KLHL13: variants seen among roughly 807,000 people sequenced by gnomAD.
The protein encoded by KLHL13 is kelch like family member 13.
KLHL13 carries 10 observed loss-of-function variants against 37.1 expected under a neutral mutation model. The ratio of observed to expected loss-of-function variants is 0.27; its 90% confidence interval spans 0.17 to 0.46. KLHL13 has a LOEUF of 0.46. KLHL13 is among the 20% of genes least tolerant of loss of function. The pLI is 1.00. For missense variants in KLHL13, 360 were observed against 509.3 expected, an observed-to-expected ratio of 0.71 and a Z score of 2.82; for synonymous variants, 163 against 181.2, an observed-to-expected ratio of 0.90 and a Z score of 0.81.
intron 1 of KLHL13, among the ~76,000 whole-genome samples, chrX:117,963,796 A>T (rs1232868564): frequency 2.9e-5 from 3 of 104,666 alleles, no homozygotes; most frequent in Non-Finnish European, 5.9e-5. Context: ...AGTGGTTTTG[A>T]TTTGCATTTC....
At chrX:118,087,427 T>C (rs1331343312) in intron 1 of KLHL13, among the ~76,000 whole-genome samples, 1 of 109,799 alleles carries the variant, frequency 9.1e-6, no homozygotes, top group Non-Finnish European at 1.9e-5. Flanking sequence ...CTTCTGTGAG[T>C]ACATTTATTC....
intron 1 of KLHL13, among the ~76,000 whole-genome samples, chrX:118,064,565 G>A (rs1390713906): frequency 1.8e-5 from 2 of 112,040 alleles, no homozygotes; most frequent in East Asian, 5.5e-4. Context: ...TTTTGCTCCA[G>A]ATATGGAGAA....
At chrX:117,957,516 C>G (rs754796695) in intron 1 of KLHL13, among the ~76,000 whole-genome samples, 15 of 112,160 alleles carry the variant, frequency 1.3e-4, no homozygotes, top group Non-Finnish European at 2.3e-4. Context: ...TTTACATATT[C>G]ACAGCTATGC....
chrX:118,108,883 G>A (rs984370697), intron 1 of KLHL13, among the ~76,000 whole-genome samples: 2 of 111,256 alleles, frequency 1.8e-5, no homozygotes, highest in African/African-American at 6.5e-5. Flanking sequence ...TGTAGCCCAC[G>A]GCAACCTTGA....
intron 1 of KLHL13, among the ~76,000 whole-genome samples, chrX:118,116,180 G>A (rs2497855): frequency 0.021 from 2,310 of 111,164 alleles, 74 homozygotes; most frequent in African/African-American, 0.07. Flanking sequence ...GACCGTCAGG[G>A]CAGCAACAGC....
intron 1 of KLHL13, among the ~76,000 whole-genome samples, chrX:118,030,869 A>C (rs1051665632): frequency 3.6e-5 from 4 of 111,848 alleles, no homozygotes; most frequent in African/African-American, 1.3e-4. Flanking sequence ...ATTGTAAATC[A>C]ATCTGTTATA....
intron 1 of KLHL13, among the ~76,000 whole-genome samples, chrX:118,015,853 A>C (rs2054122551): frequency 1.8e-5 from 2 of 111,365 alleles, no homozygotes; most frequent in African/African-American, 6.5e-5. Flanking sequence ...TCAGAATTTC[A>C]TGTGTTACCC....
upstream of KLHL13, among the ~76,000 whole-genome samples, chrX:117,974,505 T>C (rs1298500015): frequency 2.7e-5 from 3 of 112,174 alleles, no homozygotes; most frequent in African/African-American, 9.7e-5. Flanking sequence ...CTAAGAGGCT[T>C]TTTCATCTGT....
chrX:118,053,346 T>C (rs1013843571), intron 1 of KLHL13, among the ~76,000 whole-genome samples: 1 of 111,601 alleles, frequency 9.0e-6, no homozygotes, highest in East Asian at 2.8e-4. Flanking sequence ...TGTAGGAACA[T>C]GGATGAAACT....
chrX:117,905,487 G>A (rs1326735964), intron 5 of KLHL13, among the ~76,000 whole-genome samples: 2 of 106,608 alleles, frequency 1.9e-5, no homozygotes, highest in African/African-American at 7.2e-5. Context: ...AACCAGGTGA[G>A]CACGTGTGCT....
At chrX:117,929,999 G>T (rs1932319345) in intron 2 of KLHL13, among the ~76,000 whole-genome samples, 1 of 107,853 alleles carries the variant, frequency 9.3e-6, no homozygotes, top group East Asian at 2.9e-4. Flanking sequence ...TTTTTAGCAA[G>T]CTAAGAATAC....
intron 1 of KLHL13, among the ~76,000 whole-genome samples, chrX:118,075,765 A>ACTAGACAC (rs2148122293): frequency 8.9e-6 from 1 of 111,879 alleles, no homozygotes; most frequent in South Asian, 3.7e-4. Flanking sequence ...CAAGTTATCT[A>ACTAGACAC]CTAGACACAA....
intron 1 of KLHL13, among the ~76,000 whole-genome samples, chrX:118,056,354 C>G (rs1207032016): frequency 9.0e-6 from 1 of 111,113 alleles, no homozygotes; most frequent in Non-Finnish European, 1.9e-5. Context: ...GGATTGGAAG[C>G]CTTAATATTG....
At chrX:118,098,090 A>C (rs1456294414) in intron 1 of KLHL13, among the ~76,000 whole-genome samples, 2 of 112,106 alleles carry the variant, frequency 1.8e-5, no homozygotes, top group Non-Finnish European at 3.8e-5. Flanking sequence ...GGATCTAATG[A>C]AACTCAAGAG....
At chrX:118,039,952 G>A (rs2054490482) in intron 1 of KLHL13, among the ~76,000 whole-genome samples, 1 of 111,330 alleles carries the variant, frequency 9.0e-6, no homozygotes, top group African/African-American at 3.3e-5. Context: ...GTCTCTGCCT[G>A]GTAATCCATA....
chrX:118,089,628 A>AAGAAAGAC (rs778009535), intron 1 of KLHL13, among the ~76,000 whole-genome samples: 48 of 84,307 alleles, frequency 5.7e-4, no homozygotes, highest in African/African-American at 1.7e-3. Flanking sequence ...AAGAGAAAGA[A>AAGAAAGAC]AGAAAGAAAG....
intron 1 of KLHL13, among the ~76,000 whole-genome samples, chrX:117,969,051 G>GT (rs2053481449): frequency 9.0e-6 from 1 of 111,663 alleles, no homozygotes; most frequent in Non-Finnish European, 1.9e-5. Flanking sequence ...CTAACTGAAT[G>GT]TAAGTGCAGG....
rs1351583434 is a variant in KLHL13, at chrX:117,919,698, A to G, written c.393T>C (p.Asp131=). Residue 131 remains aspartate, a synonymous_variant, in exon 4 of 7, where the codon GAT becomes GAC. Coordinates refer to ENST00000262820, the Ensembl canonical transcript of KLHL13. Reference sequence around the variant, plus strand: ...CACCATGAAGTTTAATGCACATTAAATCTTGTTCTTTCATTCCACCTTAAA... The same window carrying G: ...CACCATGAAGTTTAATGCACATTAAGTCTTGTTCTTTCATTCCACCTTAAA... The G allele has an allele frequency of 5.9e-6, 7 of 1,194,328 alleles. No individual in the cohort carries two copies. The Admixed American group carries it at 9.2e-5, about 16-fold the overall frequency.
intron 1 of KLHL13, among the ~76,000 whole-genome samples, chrX:117,949,743 T>C (rs1223050107): frequency 8.9e-6 from 1 of 112,295 alleles, no homozygotes; most frequent in African/African-American, 3.2e-5. Context: ...AAATAGCAGT[T>C]CATGTTATAC....
Sources: allele counts gnomAD v4.1 joint callset (sites outside exome capture counted in the v4.1 genomes callset), GRCh38; gene constraint gnomAD v4.1.1; transcripts MANE v1.5; gene names NCBI Gene and HGNC (gene_info 2026-07-23, HGNC 2026-07-21).